The following SLC30A8 variants were observed in gnomAD, a reference collection of about 807,000 sequenced individuals.
SLC30A8 encodes the protein solute carrier family 30 member 8, also known as proton-coupled zinc antiporter SLC30A8.
SLC30A8 carries 27 observed loss-of-function variants against 36.9 expected under a neutral mutation model. The observed-to-expected ratio is 0.73, with a 90% CI of 0.54 to 1.01. The LOEUF is 1.01. Among genes scored for constraint, SLC30A8 ranks in the 50% least tolerant of loss-of-function variants. The pLI is 0.00. For missense variants in SLC30A8, 439 were observed against 452.0 expected (o/e 0.97, Z 0.26); for synonymous variants, 164 against 172.4 (o/e 0.95, Z 0.38).
At chr8:116,976,829 T>TCTTTTCTTTTC (rs1815043579) in intron 1 of SLC30A8, among the ~76,000 whole-genome samples, 8 of 144,386 alleles carry the variant, frequency 5.5e-5, no homozygotes, top group African/African-American at 2.3e-4. Context: ...TTTCTTTTTT[T>TCTTTTCTTTTC]TTTTTTTTTA....
intron 1 of SLC30A8, among the ~76,000 whole-genome samples, chr8:117,145,429 A>G (rs974238221): frequency 1.2e-4 from 18 of 152,114 alleles, no homozygotes; most frequent in African/African-American, 4.3e-4. Flanking sequence ...ATCAAATATA[A>G]TAATAGAGTC....
intron 6 of SLC30A8, among the ~76,000 whole-genome samples, chr8:117,166,451 C>A (rs528971602): frequency 1.3e-5 from 2 of 152,280 alleles, no homozygotes; most frequent in East Asian, 1.9e-4. Flanking sequence ...ACTAACCCAG[C>A]AGTTCTCAAA....
intron 1 of SLC30A8, among the ~76,000 whole-genome samples, chr8:117,136,742 C>T (rs146828161): frequency 2.0e-5 from 3 of 152,056 alleles, no homozygotes; most frequent in Non-Finnish European, 4.4e-5. Context: ...AATAGAGCAT[C>T]TCCACATTAC....
intron 2 of SLC30A8, among the ~76,000 whole-genome samples, chr8:117,147,855 C>A (rs1442099122): frequency 4.6e-5 from 7 of 152,064 alleles, no homozygotes; most frequent in Non-Finnish European, 1.5e-5. Flanking sequence ...ATATTTATTT[C>A]TTTAATTGTT....
chr8:117,037,584 T>C (rs1817255706), intron 1 of SLC30A8, among the ~76,000 whole-genome samples: 1 of 152,192 alleles, frequency 6.6e-6, no homozygotes, highest in South Asian at 2.1e-4. Context: ...AGATAAAATG[T>C]ACCATTGAGA....
intron 2 of SLC30A8, among the ~76,000 whole-genome samples, chr8:117,092,211 C>T (rs1009750135): frequency 8.6e-5 from 13 of 152,030 alleles, no homozygotes; most frequent in Admixed American, 1.3e-4. Flanking sequence ...ACGTGACTTA[C>T]GAAATACAAA....
intron 2 of SLC30A8, among the ~76,000 whole-genome samples, chr8:117,091,390 T>G: frequency 6.6e-6 from 1 of 152,230 alleles, no homozygotes; most frequent in Non-Finnish European, 1.5e-5. Flanking sequence ...TCCATTTTTT[T>G]TCTCTTTCAG....
intron 1 of SLC30A8, among the ~76,000 whole-genome samples, chr8:116,971,589 CATT>C (rs1814799374): frequency 1.3e-5 from 2 of 149,688 alleles, no homozygotes; most frequent in South Asian, 4.2e-4. Context: ...TTAGAGGAAA[CATT>C]TTTTTTTTTT....
At chr8:117,154,642 C>T (rs376522240) in intron 3 of SLC30A8, among the ~76,000 whole-genome samples, 1 of 152,198 alleles carries the variant, frequency 6.6e-6, no homozygotes, top group East Asian at 1.9e-4. Context: ...ACAACGTGAT[C>T]TGAGAATGTT....
intron 2 of SLC30A8, among the ~76,000 whole-genome samples, chr8:117,083,496 G>A (rs977914004): frequency 2.6e-5 from 4 of 152,156 alleles, no homozygotes; most frequent in Non-Finnish European, 5.9e-5. Flanking sequence ...CTTTTGGGTT[G>A]GTCAAGACCT....
intron 1 of SLC30A8, among the ~76,000 whole-genome samples, chr8:117,012,458 C>T (rs1816374126): frequency 6.6e-6 from 1 of 151,744 alleles, no homozygotes; most frequent in South Asian, 2.1e-4. Flanking sequence ...AGACTTTTGT[C>T]ATGTCATTAT....
Position 117,172,523 on chromosome 8 carries a change from T to G in SLC30A8, c.965-13T>G. ...CAATCAGTGCTAATCTCCCTGTGCT[T>G]CTTTATCAACAGCAGCCAGCCGGGA... On this transcript the variant is annotated splice_polypyrimidine_tract_variant and intron_variant, in intron 7 of 7. Transcript: ENST00000456015. 2 of 1,613,528 alleles carry G rather than the reference T, an allele frequency of 1.2e-6. No homozygotes were observed. The highest frequency in any genetic ancestry group is 1.7e-5 in the Admixed American group (1 of 59,956).
intron 2 of SLC30A8, among the ~76,000 whole-genome samples, chr8:117,064,634 AG>A (rs1163290837): frequency 6.6e-6 from 1 of 152,228 alleles, no homozygotes; most frequent in Non-Finnish European, 1.5e-5. Flanking sequence ...ATTTGATGGC[AG>A]GGGGATGACT....
chr8:117,093,998 G>C (rs914366906), intron 2 of SLC30A8, among the ~76,000 whole-genome samples: 1 of 152,222 alleles, frequency 6.6e-6, no homozygotes, highest in Non-Finnish European at 1.5e-5. Context: ...GCTGGACCAG[G>C]CATCCTGCAA....
At chr8:116,996,173 G>A (rs939509970) in intron 1 of SLC30A8, among the ~76,000 whole-genome samples, 1 of 152,112 alleles carries the variant, frequency 6.6e-6, no homozygotes, top group Non-Finnish European at 1.5e-5. Context: ...GATTGTTCAA[G>A]TATTTTTATT....
intron 1 of SLC30A8, among the ~76,000 whole-genome samples, chr8:116,996,383 A>G (rs557560334): frequency 6.6e-6 from 1 of 152,218 alleles, no homozygotes; most frequent in Non-Finnish European, 1.5e-5. Context: ...AAATAAACAG[A>G]TTAAAATTTG....
rs1174249544 is a variant in SLC30A8 at position 117,173,677 on chromosome 8, A to G, written c.*996A>G. The G allele has an allele frequency of 6.6e-6, 1 of 152,146 alleles. No individual in the cohort carries two copies. Among genetic ancestry groups the G allele is most frequent in the African/African-American group, 2.4e-5 (1 of 41,452 alleles). The allele number at this position is 152,146 out of a possible 1,614,324, so 9.4% of individuals were successfully genotyped here. On this transcript the variant is annotated 3_prime_UTR_variant, in exon 8 of 8. Transcript: ENST00000456015. Reference sequence around the variant, plus strand: ...GAGTAAACTGAAGATGTGCAGGCCAACATTCTGGAAATCCTATGTCAATGG... The same window carrying G: ...GAGTAAACTGAAGATGTGCAGGCCAGCATTCTGGAAATCCTATGTCAATGG...
chr8:117,129,097 C>T (rs1323328894), intron 2 of SLC30A8, among the ~76,000 whole-genome samples: 1 of 151,942 alleles, frequency 6.6e-6, no homozygotes, highest in Non-Finnish European at 1.5e-5. Flanking sequence ...TGTTGGGTGG[C>T]AATTAGATAA....
At position 117,172,717 on chromosome 8, in the gene SLC30A8, C is replaced by A; in HGVS notation, c.*36C>A. On this transcript the variant is annotated 3_prime_UTR_variant, in exon 8 of 8. Transcript: ENST00000456015. Reference sequence around the variant, plus strand: ...CCGTCAGTTTCCCAAATTTGACAGGCCACCTTCAAACATGCTGCTATGCAG... The same window carrying A: ...CCGTCAGTTTCCCAAATTTGACAGGACACCTTCAAACATGCTGCTATGCAG... The A allele has an allele frequency of 1.9e-6, 3 of 1,610,956 alleles. No individual in the cohort carries two copies. The South Asian group carries it at 3.3e-5, about 18-fold the overall frequency.
Sources: allele counts gnomAD v4.1 joint callset (sites outside exome capture counted in the v4.1 genomes callset), GRCh38; gene constraint gnomAD v4.1.1; transcripts MANE v1.5; gene names NCBI Gene and HGNC (gene_info 2026-07-23, HGNC 2026-07-21).